COX7B2: variants seen among roughly 807,000 people sequenced by gnomAD.
COX7B2 encodes cytochrome c oxidase subunit 7B2, mitochondrial.
For synonymous variants in COX7B2, 37 were observed against 32.1 expected (o/e 1.15, Z -0.51); for missense variants, 109 against 95.9 (o/e 1.14, Z -0.57).
In COX7B2 at chr4:46,848,384, G is replaced by A. The variant is rs141997326; in HGVS notation, c.-104-3370C>T. ...CTAATGAGCATTTATTATGCGAAAG[G>A]CCCTGAATTAACTAGGTATAGCTCA... is the stretch of plus-strand genomic sequence containing the variant. On this transcript the variant is annotated intron_variant, in intron 1 of 2. Transcript: ENST00000355591. Among the ~76,000 whole-genome samples the A allele has an allele frequency of 4.4e-3, 673 of 152,018 alleles. 5 individuals carry two copies. The highest frequency in any genetic ancestry group is 0.016 in the African/African-American group (652 of 41,508).
At chr4:46,761,169 T>C (rs2109472806) in intron 2 of COX7B2, among the ~76,000 whole-genome samples, 1 of 152,274 alleles carries the variant, frequency 6.6e-6, no homozygotes, top group Admixed American at 6.5e-5. Context: ...TAGAGCATTT[T>C]TAAGTGGGTA....
intron 2 of COX7B2, among the ~76,000 whole-genome samples, chr4:46,822,347 T>C (rs967149405): frequency 6.6e-6 from 1 of 150,702 alleles, no homozygotes; most frequent in African/African-American, 2.4e-5. Context: ...GACTCCAGAA[T>C]ACAAAATAAA....
intron 2 of COX7B2, among the ~76,000 whole-genome samples, chr4:46,743,214 A>C (rs1320790062): frequency 6.6e-6 from 1 of 152,216 alleles, no homozygotes; most frequent in Non-Finnish European, 1.5e-5. Flanking sequence ...TTATTTTGAC[A>C]TTACAGTACC....
chr4:46,890,987 G>T (rs1237112234), intron 1 of COX7B2, among the ~76,000 whole-genome samples: 1 of 152,218 alleles, frequency 6.6e-6, no homozygotes, highest in Non-Finnish European at 1.5e-5. Context: ...ATCTAGGCTA[G>T]AGATGATGCT....
intron 2 of COX7B2, among the ~76,000 whole-genome samples, chr4:46,755,433 G>C (rs1156666231): frequency 1.3e-5 from 2 of 151,892 alleles, no homozygotes; most frequent in African/African-American, 4.8e-5. Context: ...TTTCACCATT[G>C]TTATTCAACA....
intron 1 of COX7B2, among the ~76,000 whole-genome samples, chr4:46,907,647 T>C (rs1282518213): frequency 6.6e-6 from 1 of 151,936 alleles, no homozygotes; most frequent in Non-Finnish European, 1.5e-5. Flanking sequence ...GGAGTCACAG[T>C]GTGAATCTCA....
At chr4:46,742,987 T>C (rs1450484513) in intron 2 of COX7B2, among the ~76,000 whole-genome samples, 1 of 152,164 alleles carries the variant, frequency 6.6e-6, no homozygotes, top group African/African-American at 2.4e-5. Flanking sequence ...TAAGTACCCA[T>C]AATATTTTCT....
intron 1 of COX7B2, among the ~76,000 whole-genome samples, chr4:46,872,178 G>A (rs1204108930): frequency 6.6e-6 from 1 of 152,146 alleles, no homozygotes; most frequent in East Asian, 1.9e-4. Context: ...GTGGGAACAA[G>A]GATGGAGCTG....
intron 2 of COX7B2, among the ~76,000 whole-genome samples, chr4:46,798,899 T>C (rs542707994): frequency 6.6e-6 from 1 of 152,162 alleles, no homozygotes; most frequent in Admixed American, 6.6e-5. Flanking sequence ...AGTGGCCTCA[T>C]GACGGAGGAA....
At chr4:46,816,469 A>G (rs1174857845) in intron 2 of COX7B2, among the ~76,000 whole-genome samples, 1 of 152,152 alleles carries the variant, frequency 6.6e-6, no homozygotes, top group Non-Finnish European at 1.5e-5. Context: ...TACTTTACTC[A>G]TAACTCTTTA....
intron 1 of COX7B2, among the ~76,000 whole-genome samples, chr4:46,902,150 C>T (rs935772986): frequency 4.6e-5 from 7 of 152,148 alleles, no homozygotes; most frequent in Admixed American, 2.0e-4. Context: ...AGTCTCAGCA[C>T]ACAGTATGAG....
chr4:46,822,490 G>A (rs138781001), intron 2 of COX7B2, among the ~76,000 whole-genome samples: 14 of 152,250 alleles, frequency 9.2e-5, no homozygotes, highest in African/African-American at 3.1e-4. Flanking sequence ...TGACCTGGAT[G>A]AATGTTTGCC....
intron 1 of COX7B2, among the ~76,000 whole-genome samples, chr4:46,905,269 A>T (rs1720308341): frequency 6.6e-6 from 1 of 152,192 alleles, no homozygotes; most frequent in Non-Finnish European, 1.5e-5. Context: ...TAACTTCGCA[A>T]ATGTATGGTT....
At chr4:46,881,697 G>A (rs546851126) in intron 1 of COX7B2, among the ~76,000 whole-genome samples, 2 of 152,234 alleles carry the variant, frequency 1.3e-5, no homozygotes, top group South Asian at 4.1e-4. Context: ...ACTCCAGCCT[G>A]GGCGATAGAT....
intron 2 of COX7B2, among the ~76,000 whole-genome samples, chr4:46,788,901 T>C: frequency 6.6e-6 from 1 of 152,078 alleles, no homozygotes; most frequent in East Asian, 1.9e-4. Context: ...ATCCTCAGGG[T>C]GGTAGAGAGA....
intron 2 of COX7B2, among the ~76,000 whole-genome samples, chr4:46,809,291 T>C (rs1005334593): frequency 1.3e-5 from 2 of 151,830 alleles, no homozygotes; most frequent in Admixed American, 1.3e-4. Context: ...GTGATTTATT[T>C]CTATTCTGAT....
chr4:46,810,404 C>T (rs571364427), intron 2 of COX7B2, among the ~76,000 whole-genome samples: 45 of 152,022 alleles, frequency 3.0e-4, no homozygotes, highest in Admixed American at 2.5e-3. Flanking sequence ...GTAGTGCTAA[C>T]TTTTGTTTCT....
At chr4:46,744,939 C>T (rs1714933425) in intron 2 of COX7B2, among the ~76,000 whole-genome samples, 1 of 151,864 alleles carries the variant, frequency 6.6e-6, no homozygotes, top group Admixed American at 6.6e-5. Flanking sequence ...ACTGTGTTGT[C>T]CAGGCTGGTT....
chr4:46,780,953 A>T (rs1717413391), intron 2 of COX7B2, among the ~76,000 whole-genome samples: 1 of 152,224 alleles, frequency 6.6e-6, no homozygotes, highest in African/African-American at 2.4e-5. Flanking sequence ...ATTTATCAAA[A>T]ATATGAAAAT....
Sources: allele counts gnomAD v4.1 joint callset (sites outside exome capture counted in the v4.1 genomes callset), GRCh38; gene constraint gnomAD v4.1.1; transcripts MANE v1.5; gene names NCBI Gene and HGNC (gene_info 2026-07-23, HGNC 2026-07-21).